Variants in MAN2A1 observed in about 807,000 individuals in gnomAD.
MAN2A1 encodes the protein alpha-mannosidase 2.
Under a neutral mutation model 142.6 loss-of-function variants are expected in MAN2A1, and 76 were observed. The observed-to-expected ratio is 0.53, with a 90% CI of 0.44 to 0.65. The LOEUF is 0.65. Among genes scored for constraint, MAN2A1 ranks in the 30% least tolerant of loss-of-function variants. MAN2A1 has a pLI of 0.00. For missense variants in MAN2A1, 1,311 were observed against 1,365.1 expected (o/e 0.96, Z 0.62); for synonymous variants, 559 against 473.2 (o/e 1.18, Z -2.35).
chr5:109,815,172 G>T (rs1754419669), intron 12 of MAN2A1, among the ~76,000 whole-genome samples: 2 of 152,130 alleles, frequency 1.3e-5, no homozygotes, highest in Non-Finnish European at 2.9e-5. Context: ...TGGTAATAAT[G>T]AATCCTGGCC....
rs2300994 is a variant in MAN2A1 at position 109,721,394 on chromosome 5, T to C, written c.535+5130T>C. ...TTGTCAGATTTAGCAAACAAAAATA[T>C]AGAATGCTCAGTTAAACTTGAATTT... On this transcript the variant is annotated intron_variant, in intron 3 of 21. Coordinates refer to ENST00000261483, the MANE Select transcript of MAN2A1 (RefSeq NM_002372.4). Among the ~76,000 whole-genome samples, 64 of 152,328 alleles carry C rather than the reference T, an allele frequency of 4.2e-4. 2 individuals carry two copies. In the East Asian group the frequency reaches 6.2e-3, roughly 15 times the overall value.
chr5:109,746,599 CTA>C (rs1358034134), intron 4 of MAN2A1, among the ~76,000 whole-genome samples: 1 of 121,186 alleles, frequency 8.3e-6, no homozygotes, highest in Non-Finnish European at 1.7e-5. Flanking sequence ...TTGAGTGGGT[CTA>C]TTTTTTAAAT....
intron 16 of MAN2A1, among the ~76,000 whole-genome samples, chr5:109,824,907 T>G (rs1436446948): frequency 6.6e-6 from 1 of 152,208 alleles, no homozygotes; most frequent in East Asian, 1.9e-4. Context: ...ATGGACAAAC[T>G]TTCTCATGCA....
intron 6 of MAN2A1, among the ~76,000 whole-genome samples, chr5:109,768,863 C>A (rs1490376300): frequency 2.0e-5 from 3 of 152,076 alleles, no homozygotes; most frequent in Admixed American, 2.0e-4. Context: ...TTTGAAGAAG[C>A]CCTACTTAAA....
intron 4 of MAN2A1, among the ~76,000 whole-genome samples, chr5:109,754,785 T>G (rs1752642820): frequency 6.6e-6 from 1 of 152,176 alleles, no homozygotes; most frequent in Admixed American, 6.5e-5. Flanking sequence ...GCAAATCACC[T>G]GAGGCTGGGG....
chr5:109,707,032 A>C (rs1259159978), intron 1 of MAN2A1, among the ~76,000 whole-genome samples: 3 of 152,200 alleles, frequency 2.0e-5, no homozygotes, highest in African/African-American at 7.2e-5. Context: ...GAGCCAGGTT[A>C]GTGATGGTAG....
At chr5:109,849,488 C>T (rs1316436983) in intron 19 of MAN2A1, among the ~76,000 whole-genome samples, 1 of 152,180 alleles carries the variant, frequency 6.6e-6, no homozygotes, top group Admixed American at 6.5e-5. Context: ...GACATGAGTT[C>T]TGCCTGATAG....
Position 109,822,741 on chromosome 5 carries a change from G to A in MAN2A1, c.2452-982G>A, listed in dbSNP as rs142737072. ...CACCCAGGCTGGAATGCAGTGGCGC[G>A]ATCTCAGCTCACTGCAAGCTCCGCC... On this transcript the variant is annotated intron_variant, in intron 15 of 21. Coordinates refer to ENST00000261483, the MANE Select transcript of MAN2A1 (RefSeq NM_002372.4). 1.6e-4 allele frequency among the ~76,000 whole-genome samples: 25 copies of A among 152,014 alleles called. No homozygotes were observed. The East Asian group carries it at 3.9e-3, about 24-fold the overall frequency.
chr5:109,829,218 A>G (rs1278520745), intron 16 of MAN2A1, among the ~76,000 whole-genome samples: 2 of 152,202 alleles, frequency 1.3e-5, no homozygotes, highest in African/African-American at 4.8e-5. Context: ...TGCCCATTAA[A>G]TATTTTTTTA....
chr5:109,835,705 C>T (rs17162317), intron 16 of MAN2A1, among the ~76,000 whole-genome samples: 12,899 of 152,148 alleles, frequency 0.085, 645 homozygotes, highest in African/African-American at 0.15. Context: ...GTTGTTGCCT[C>T]TCACTCCTAT....
At chr5:109,809,216 A>G (rs1215204108) in intron 12 of MAN2A1, among the ~76,000 whole-genome samples, 1 of 152,148 alleles carries the variant, frequency 6.6e-6, no homozygotes, top group Non-Finnish European at 1.5e-5. Flanking sequence ...GCCATCTTTT[A>G]TAGATGATTT....
chr5:109,777,428 C>G (rs1376388572), intron 8 of MAN2A1, among the ~76,000 whole-genome samples: 1 of 151,744 alleles, frequency 6.6e-6, no homozygotes, highest in Non-Finnish European at 1.5e-5. Flanking sequence ...TTGTCTTTTT[C>G]TTACTGTTTA....
At chr5:109,767,814 A>T (rs1365506602) in intron 6 of MAN2A1, 106 bp downstream of exon 6, 2 of 906,690 alleles carry the variant, frequency 2.2e-6, no homozygotes, top group Non-Finnish European at 3.3e-6. Flanking sequence ...GTCTTGAAAA[A>T]TCAGGTGGCC....
At chr5:109,781,277 G>T in intron 8 of MAN2A1, 119 bp from the exon 9 acceptor site, 1 of 585,170 alleles carries the variant, frequency 1.7e-6, no homozygotes, top group Non-Finnish European at 2.9e-6. Context: ...TCTGAGCTAT[G>T]TATTCATCTT....
intron 17 of MAN2A1, 85 bp downstream of exon 17, chr5:109,842,546 C>G: frequency 1.2e-6 from 1 of 862,286 alleles, no homozygotes; most frequent in East Asian, 2.9e-5. Flanking sequence ...AATTTTGGAT[C>G]CTTTGAAAAA....
intron 4 of MAN2A1, among the ~76,000 whole-genome samples, chr5:109,740,619 A>C (rs981088099): frequency 3.9e-5 from 6 of 152,176 alleles, no homozygotes; most frequent in African/African-American, 1.4e-4. Flanking sequence ...GGGGACTCAC[A>C]CAAGTGCCAT....
At chr5:109,727,693 G>A (rs1751784165) in intron 3 of MAN2A1, among the ~76,000 whole-genome samples, 1 of 152,176 alleles carries the variant, frequency 6.6e-6, no homozygotes, top group Non-Finnish European at 1.5e-5. Context: ...GTGGGAAAGG[G>A]CAGTTAAAGA....
chr5:109,694,268 T>C (rs1376904556), intron 1 of MAN2A1, among the ~76,000 whole-genome samples: 1 of 152,172 alleles, frequency 6.6e-6, no homozygotes, highest in Non-Finnish European at 1.5e-5. Context: ...GTAACATTTA[T>C]CAAGTGAGAA....
At chr5:109,700,195 A>C (rs1750936731) in intron 1 of MAN2A1, among the ~76,000 whole-genome samples, 1 of 151,578 alleles carries the variant, frequency 6.6e-6, no homozygotes, top group Non-Finnish European at 1.5e-5. Context: ...GAATCTCATT[A>C]TTTAAAAAAT....
Sources: gnomAD v4.1 joint callset for allele counts (sites outside exome capture counted in the v4.1 genomes callset) on GRCh38, gnomAD v4.1.1 for gene constraint, MANE v1.5 for transcripts, NCBI Gene and HGNC (gene_info 2026-07-23, HGNC 2026-07-21) for gene names.